Variants in ANO4 observed in about 807,000 individuals in gnomAD.
ANO4 encodes the protein anoctamin-4.
A neutral mutation model predicts 141.9 loss-of-function variants in ANO4; 69 were observed. That is an observed-to-expected ratio of 0.49 (90% CI 0.40 to 0.59). The LOEUF (loss-of-function observed/expected upper bound fraction) is 0.59. Ranked by LOEUF, ANO4 falls within the 20% of genes least tolerant of loss-of-function variation. The pLI is 0.00. For missense variants in ANO4, 894 were observed against 1,162.2 expected (o/e 0.77, Z 3.36); for synonymous variants, 350 against 394.3 (o/e 0.89, Z 1.33).
In ANO4 at chr12:101,009,594, A is replaced by G. The variant is rs1024054620; in HGVS notation, c.735-10440A>G. Among the ~76,000 whole-genome samples the G allele has an allele frequency of 9.2e-5, 14 of 152,208 alleles. No homozygotes were observed. In the East Asian group the frequency reaches 2.7e-3, roughly 29 times the overall value. ...TGCTGAGAACTTCAAAAACATTCCA[A>G]TTCCTAATTCTCTGTGCGTAACCTT... On this transcript the variant is annotated intron_variant, in intron 8 of 27. Transcript: ENST00000392977.
chr12:100,795,629 C>G (rs755586421), intron 1 of ANO4, among the ~76,000 whole-genome samples: 12 of 152,172 alleles, frequency 7.9e-5, no homozygotes, highest in South Asian at 2.1e-4. Flanking sequence ...TGCATGACCT[C>G]ATTGCTTCTT....
intron 11 of ANO4, 33 bp from the exon 12 acceptor site, chr12:101,042,301 C>G (rs750183899): frequency 6.2e-7 from 1 of 1,613,474 alleles, no homozygotes; most frequent in African/African-American, 1.3e-5. Flanking sequence ...ACACACTGCA[C>G]TGTAATTTGC....
chr12:100,876,797 C>T (rs1413302264), intron 1 of ANO4, among the ~76,000 whole-genome samples: 1 of 152,134 alleles, frequency 6.6e-6, no homozygotes, highest in Non-Finnish European at 1.5e-5. Context: ...TTTCTATTCC[C>T]TTCCATTGGT....
intron 1 of ANO4, among the ~76,000 whole-genome samples, chr12:100,872,510 A>C (rs1423017201): frequency 6.6e-6 from 1 of 152,242 alleles, no homozygotes; most frequent in Non-Finnish European, 1.5e-5. Flanking sequence ...TATGATGATT[A>C]GCTATGGGAT....
intron 2 of ANO4, among the ~76,000 whole-genome samples, chr12:100,916,440 A>G (rs1264196257): frequency 6.6e-6 from 1 of 152,160 alleles, no homozygotes; most frequent in East Asian, 1.9e-4. Flanking sequence ...GCAGTGAAAG[A>G]GCATTAACTG....
intron 6 of ANO4, among the ~76,000 whole-genome samples, chr12:100,972,476 C>A (rs2043973879): frequency 6.6e-6 from 1 of 151,926 alleles, no homozygotes; most frequent in South Asian, 2.1e-4. Flanking sequence ...TTCCTGGAGG[C>A]AAAATTCTCA....
chr12:101,098,715 T>G (rs529098680), intron 21 of ANO4, among the ~76,000 whole-genome samples: 1 of 152,366 alleles, frequency 6.6e-6, no homozygotes, highest in South Asian at 2.1e-4. Context: ...ATTATCAGTG[T>G]TGTATTCTAC....
chr12:100,787,664 G>C (rs1842346143), intron 3 of ANO4, among the ~76,000 whole-genome samples: 1 of 152,146 alleles, frequency 6.6e-6, no homozygotes, highest in Non-Finnish European at 1.5e-5. Context: ...GCACAGTGAG[G>C]ATAGAAAGAA....
At chr12:100,870,882 C>A (rs1032993726) in intron 1 of ANO4, among the ~76,000 whole-genome samples, 4 of 152,130 alleles carry the variant, frequency 2.6e-5, no homozygotes, top group African/African-American at 9.7e-5. Flanking sequence ...AAGTCTTCTT[C>A]TTCACAGTGA....
chr12:101,018,252 C>T (rs759756340), intron 8 of ANO4, among the ~76,000 whole-genome samples: 8 of 152,184 alleles, frequency 5.3e-5, no homozygotes, highest in Non-Finnish European at 8.8e-5. Context: ...GTGAGACTCT[C>T]GGTTTTCTCC....
intron 8 of ANO4, among the ~76,000 whole-genome samples, chr12:100,991,465 G>A (rs1003223812): frequency 2.1e-5 from 3 of 140,546 alleles, no homozygotes; most frequent in Admixed American, 1.5e-4. Flanking sequence ...TAATAGAAAT[G>A]TAAGTGTGTT....
intron 1 of ANO4, among the ~76,000 whole-genome samples, chr12:100,797,010 G>T (rs1338925088): frequency 2.0e-5 from 3 of 152,068 alleles, no homozygotes; most frequent in African/African-American, 7.2e-5. Flanking sequence ...ATTTTAATTA[G>T]TAGCAACTTT....
intron 1 of ANO4, among the ~76,000 whole-genome samples, chr12:100,894,976 A>AAG (rs1196161673): frequency 2.0e-5 from 3 of 150,976 alleles, no homozygotes; most frequent in African/African-American, 4.9e-5. Context: ...AAAAAAAAAA[A>AAG]AAAAAGAAAA....
intron 14 of ANO4, among the ~76,000 whole-genome samples, chr12:101,064,705 G>C (rs2048505639): frequency 2.0e-5 from 3 of 148,536 alleles, no homozygotes; most frequent in Non-Finnish European, 4.4e-5. Flanking sequence ...TAAAAGATTA[G>C]TAGTTCCCCT....
intron 3 of ANO4, among the ~76,000 whole-genome samples, chr12:100,778,702 C>T (rs771752723): frequency 4.6e-5 from 7 of 152,190 alleles, no homozygotes; most frequent in Admixed American, 1.3e-4. Flanking sequence ...ATTCGGGTTA[C>T]GGCTTAGACC....
At chr12:101,061,079 T>G (rs2048326862) in intron 14 of ANO4, among the ~76,000 whole-genome samples, 1 of 152,206 alleles carries the variant, frequency 6.6e-6, no homozygotes, top group African/African-American at 2.4e-5. Context: ...AGCCTGGTGG[T>G]GACAAAATCT....
intron 7 of ANO4, among the ~76,000 whole-genome samples, chr12:100,983,133 A>C (rs1176430859): frequency 6.6e-6 from 1 of 152,202 alleles, no homozygotes; most frequent in Non-Finnish European, 1.5e-5. Context: ...GTGGAAGAGC[A>C]GACTAGGGGA....
chr12:101,096,263 G>A (rs1030687139), intron 18 of ANO4, among the ~76,000 whole-genome samples: 1 of 152,148 alleles, frequency 6.6e-6, no homozygotes, highest in Admixed American at 6.6e-5. Context: ...TGGCTCTCCA[G>A]GTATCCTGTA....
At chr12:101,088,299 T>A (rs2049591935) in intron 17 of ANO4, among the ~76,000 whole-genome samples, 1 of 152,142 alleles carries the variant, frequency 6.6e-6, no homozygotes, top group Non-Finnish European at 1.5e-5. Context: ...CCTTCCAGTC[T>A]TTGTTCAAAT....
Sources: allele counts gnomAD v4.1 joint callset (sites outside exome capture counted in the v4.1 genomes callset), GRCh38; gene constraint gnomAD v4.1.1; transcripts MANE v1.5; gene names NCBI Gene and HGNC (gene_info 2026-07-23, HGNC 2026-07-21).